Variants in SLC44A1 observed in about 807,000 individuals in gnomAD.
SLC44A1 encodes the protein choline transporter-like protein 1.
SLC44A1 carries 26 observed loss-of-function variants against 79.3 expected under a neutral mutation model. The observed-to-expected ratio is 0.33, with a 90% CI of 0.24 to 0.46. SLC44A1 has a LOEUF of 0.46. Ranked by LOEUF, SLC44A1 falls within the 20% of genes least tolerant of loss-of-function variation. The pLI is 1.00. For missense variants in SLC44A1, 688 were observed against 798.1 expected (o/e 0.86, Z 1.66); for synonymous variants, 263 against 286.2 (o/e 0.92, Z 0.82).
chr9:105,387,713 C>T (rs1180387432), intron 15 of SLC44A1, among the ~76,000 whole-genome samples: 1 of 152,056 alleles, frequency 6.6e-6, no homozygotes, highest in African/African-American at 2.4e-5. Flanking sequence ...AGAAATATTT[C>T]GAGGTTGAAG....
intron 1 of SLC44A1, among the ~76,000 whole-genome samples, chr9:105,247,798 C>T (rs541531480): frequency 6.6e-6 from 1 of 152,302 alleles, no homozygotes; most frequent in Admixed American, 6.5e-5. Flanking sequence ...CTCTGGCTGG[C>T]AAGTGGCATC....
At chr9:105,288,122 G>C (rs1830517553) in intron 1 of SLC44A1, among the ~76,000 whole-genome samples, 1 of 152,040 alleles carries the variant, frequency 6.6e-6, no homozygotes, top group African/African-American at 2.4e-5. Flanking sequence ...ATTCTCCTTT[G>C]CATATTTGTA....
At chr9:105,358,813 A>G (rs901061205) in intron 7 of SLC44A1, among the ~76,000 whole-genome samples, 1 of 152,058 alleles carries the variant, frequency 6.6e-6, no homozygotes, top group Non-Finnish European at 1.5e-5. Context: ...TCTCTTTGCT[A>G]CACGAACTAT....
intron 1 of SLC44A1, among the ~76,000 whole-genome samples, chr9:105,271,487 C>A (rs559471109): frequency 6.6e-6 from 1 of 152,114 alleles, no homozygotes; most frequent in Non-Finnish European, 1.5e-5. Flanking sequence ...CTCTAGTCTG[C>A]GGGAATGGTA....
intron 6 of SLC44A1, chr9:105,357,285 C>G (rs1827650264): frequency 1.3e-5 from 2 of 152,130 alleles, no homozygotes; most frequent in African/African-American, 2.4e-5. Flanking sequence ...TACCTAGACA[C>G]AAATCCCAAC....
chr9:105,245,524 C>G (rs1048700911), intron 1 of SLC44A1, among the ~76,000 whole-genome samples: 3 of 152,212 alleles, frequency 2.0e-5, no homozygotes, highest in Non-Finnish European at 2.9e-5. Flanking sequence ...CACCCCATCC[C>G]CCCTTAGTGC....
At chr9:105,351,596 G>GAGAGAAAGAGAAAGAAAGAA (rs1554797147) in intron 5 of SLC44A1, among the ~76,000 whole-genome samples, 8 of 113,452 alleles carry the variant, frequency 7.1e-5, no homozygotes, top group African/African-American at 3.1e-4. Flanking sequence ...AAGAGAGAAA[G>GAGAGAAAGAGAAAGAAAGAA]AGAAAGAAAG....
intron 3 of SLC44A1, among the ~76,000 whole-genome samples, chr9:105,329,809 G>A (rs939921013): frequency 6.6e-6 from 1 of 152,042 alleles, no homozygotes; most frequent in Non-Finnish European, 1.5e-5. Flanking sequence ...TGCCTAGAGT[G>A]CTCCCTTCCC....
At chr9:105,367,271 C>G (rs1252862687) in intron 12 of SLC44A1, among the ~76,000 whole-genome samples, 5 of 152,124 alleles carry the variant, frequency 3.3e-5, no homozygotes, top group Non-Finnish European at 4.4e-5. Context: ...ATTGCACTTT[C>G]CATTCACTCC....
chr9:105,358,461 C>T, intron 7 of SLC44A1, 28 bp downstream of exon 7: 1 of 1,182,470 alleles, frequency 8.5e-7, no homozygotes, highest in South Asian at 1.3e-5. Context: ...TTGTTTTCTA[C>T]CTCAGCCTCT....
At chr9:105,384,103 T>C (rs1037608028) in intron 14 of SLC44A1, among the ~76,000 whole-genome samples, 12 of 152,220 alleles carry the variant, frequency 7.9e-5, no homozygotes, top group African/African-American at 2.2e-4. Flanking sequence ...CTAAGCATTA[T>C]ACATTGAAAT....
chr9:105,306,733 A>G (rs918343960), intron 2 of SLC44A1, among the ~76,000 whole-genome samples: 12 of 152,124 alleles, frequency 7.9e-5, no homozygotes, highest in African/African-American at 2.9e-4. Flanking sequence ...TGATAAAGAA[A>G]AAAACCCACA....
chr9:105,438,316 G>A (rs1347875927), exon 16 of SLC44A1: 20 of 1,548,900 alleles, frequency 1.3e-5, no homozygotes, highest in Non-Finnish European at 1.7e-5. Flanking sequence ...GAGCCCTGAA[G>A]AATGAACTCA....
intron 15 of SLC44A1, among the ~76,000 whole-genome samples, chr9:105,421,673 C>T (rs1214444733): frequency 3.3e-5 from 5 of 151,424 alleles, no homozygotes; most frequent in Non-Finnish European, 7.4e-5. Context: ...CTGCAAGCTC[C>T]GCTTCCTGGG....
intron 15 of SLC44A1, among the ~76,000 whole-genome samples, chr9:105,435,829 A>G (rs72744250): frequency 3.3e-4 from 51 of 152,362 alleles, no homozygotes; most frequent in Middle Eastern, 3.4e-3. Flanking sequence ...AATAGGGGAA[A>G]CTAGGCATGA....
intron 7 of SLC44A1, among the ~76,000 whole-genome samples, chr9:105,359,437 C>T (rs1400103569): frequency 6.6e-6 from 1 of 151,954 alleles, no homozygotes; most frequent in Non-Finnish European, 1.5e-5. Context: ...AAGATTCCCC[C>T]AAAAGATCAT....
chr9:105,256,867 A>C (rs1341770784), intron 1 of SLC44A1, among the ~76,000 whole-genome samples: 1 of 150,654 alleles, frequency 6.6e-6, no homozygotes, highest in African/African-American at 2.4e-5. Context: ...AGCTCACTTT[A>C]ACCTCCACCT....
At chr9:105,278,949 G>A (rs567300389) in intron 1 of SLC44A1, among the ~76,000 whole-genome samples, 23 of 152,196 alleles carry the variant, frequency 1.5e-4, no homozygotes, top group African/African-American at 5.3e-4. Context: ...TATGCCAACA[G>A]CATTCATCTG....
At chr9:105,406,494 A>G (rs1004391625) in intron 15 of SLC44A1, among the ~76,000 whole-genome samples, 2 of 152,158 alleles carry the variant, frequency 1.3e-5, no homozygotes, top group African/African-American at 4.8e-5. Context: ...TAATCTCAAT[A>G]CCTTGGGAGG....
Sources: allele counts gnomAD v4.1 joint callset (sites outside exome capture counted in the v4.1 genomes callset), GRCh38; gene constraint gnomAD v4.1.1; transcripts MANE v1.5; gene names NCBI Gene and HGNC (gene_info 2026-07-23, HGNC 2026-07-21).